The following CSMD1 variants were observed in gnomAD, a reference collection of about 807,000 sequenced individuals.
CSMD1 encodes CUB and Sushi multiple domains 1.
CSMD1 carries 213 observed loss-of-function variants against 417.5 expected under a neutral mutation model. That is an observed-to-expected ratio of 0.51 (90% CI 0.46 to 0.57). The LOEUF (loss-of-function observed/expected upper bound fraction) is 0.57. Ranked by LOEUF, CSMD1 falls within the 20% of genes least tolerant of loss-of-function variation. CSMD1 has a pLI of 0.00. For synonymous variants in CSMD1, 2,862 were observed against 1,736.8 expected (o/e 1.65, Z -16.11); for missense variants, 6,923 against 4,529.7 (o/e 1.53, Z -15.17).
chr8:4,015,003 G>A (rs576749542), intron 4 of CSMD1, among the ~76,000 whole-genome samples: 24 of 152,246 alleles, frequency 1.6e-4, no homozygotes, highest in East Asian at 3.9e-4. Context: ...TGCAAACCAC[G>A]TAGACCAGGT....
intron 3 of CSMD1, among the ~76,000 whole-genome samples, chr8:4,228,518 T>G (rs1236677796): frequency 6.6e-6 from 1 of 151,460 alleles, no homozygotes; most frequent in Non-Finnish European, 1.5e-5. Context: ...CAGTCAACCC[T>G]GTATCTTGGC....
At chr8:3,678,542 A>G (rs1322855577) in intron 7 of CSMD1, among the ~76,000 whole-genome samples, 1 of 152,214 alleles carries the variant, frequency 6.6e-6, no homozygotes. Flanking sequence ...CTATGTGAAA[A>G]GACCAAATCT....
intron 5 of CSMD1, among the ~76,000 whole-genome samples, chr8:3,922,309 A>G (rs1809332969): frequency 6.6e-6 from 1 of 151,928 alleles, no homozygotes; most frequent in South Asian, 2.1e-4. Flanking sequence ...ATATAGTTGG[A>G]TCTTATTTAT....
At chr8:4,405,641 C>G (rs934381302) in intron 3 of CSMD1, among the ~76,000 whole-genome samples, 1 of 152,204 alleles carries the variant, frequency 6.6e-6, no homozygotes, top group Admixed American at 6.5e-5. Context: ...TTTTGCTTGG[C>G]ATTGCATTAT....
chr8:3,698,685 T>C (rs572300424), intron 7 of CSMD1, among the ~76,000 whole-genome samples: 4 of 152,344 alleles, frequency 2.6e-5, no homozygotes, highest in African/African-American at 9.6e-5. Context: ...CTGGTATTCC[T>C]TAATAATATT....
chr8:2,950,061 A>C (rs192265492), intron 67 of CSMD1, among the ~76,000 whole-genome samples, 170 bp downstream of exon 67: 78 of 152,248 alleles, frequency 5.1e-4, no homozygotes, highest in African/African-American at 1.8e-3. Context: ...CTTCCCTTAT[A>C]AAATGAAGGA....
At chr8:3,623,421 G>C (rs891660362) in intron 7 of CSMD1, among the ~76,000 whole-genome samples, 2 of 152,136 alleles carry the variant, frequency 1.3e-5, no homozygotes, top group Admixed American at 1.3e-4. Context: ...CTGAAAAGAA[G>C]TATAAGCAAC....
At chr8:3,779,794 T>A (rs1391486836) in intron 5 of CSMD1, among the ~76,000 whole-genome samples, 1 of 152,194 alleles carries the variant, frequency 6.6e-6, no homozygotes, top group Non-Finnish European at 1.5e-5. Context: ...AAGATTAACA[T>A]CCAGAAATAT....
intron 3 of CSMD1, among the ~76,000 whole-genome samples, chr8:4,258,242 A>G (rs1585111639): frequency 7.4e-6 from 1 of 134,252 alleles, no homozygotes; most frequent in African/African-American, 2.9e-5. Flanking sequence ...AGCACACCCT[A>G]CCCCTTCCTA....
chr8:3,322,280 T>C (rs1258216493), intron 23 of CSMD1, among the ~76,000 whole-genome samples: 1 of 152,222 alleles, frequency 6.6e-6, no homozygotes, highest in African/African-American at 2.4e-5. Flanking sequence ...TATTTTTATA[T>C]TTTCACTTAG....
intron 3 of CSMD1, among the ~76,000 whole-genome samples, chr8:4,108,719 G>A (rs139432072): frequency 6.6e-6 from 1 of 151,646 alleles, no homozygotes; most frequent in African/African-American, 2.4e-5. Context: ...AATAAACGAA[G>A]TGTATGCATA....
At chr8:4,443,857 T>C (rs1000055818) in intron 2 of CSMD1, among the ~76,000 whole-genome samples, 1 of 152,170 alleles carries the variant, frequency 6.6e-6, no homozygotes, top group African/African-American at 2.4e-5. Context: ...GGTAACAAAG[T>C]TGACATGTGA....
At chr8:3,733,267 C>CAT in intron 6 of CSMD1, among the ~76,000 whole-genome samples, 1 of 87,092 alleles carries the variant, frequency 1.1e-5, no homozygotes, top group Non-Finnish European at 2.5e-5. Flanking sequence ...TACACATACA[C>CAT]ATATTTATAT....
intron 2 of CSMD1, among the ~76,000 whole-genome samples, chr8:4,630,042 A>T (rs971185054): frequency 1.7e-4 from 26 of 152,254 alleles, no homozygotes; most frequent in South Asian, 1.5e-3. Context: ...GCTGCTTTTT[A>T]AAAAAAGCCA....
rs13270278 is a variant in CSMD1, at chr8:4,261,163, G to C, written c.415+158790C>G. On this transcript the variant is annotated intron_variant, in intron 3 of 69. Transcript: ENST00000635120. ...TCTCCCTTCTACTGGCTTGAAAGTT[G>C]TCTATTCTGCTAAATAATCATGATT... Among the ~76,000 whole-genome samples, 170 of 152,226 alleles carry C rather than the reference G, an allele frequency of 1.1e-3. 1 individual carries two copies. Among genetic ancestry groups the C allele is most frequent in the South Asian group, 3.1e-3 (15 of 4,822 alleles).
At chr8:3,958,302 CA>C (rs1265930173) in intron 5 of CSMD1, among the ~76,000 whole-genome samples, 1 of 135,436 alleles carries the variant, frequency 7.4e-6, no homozygotes, top group African/African-American at 2.8e-5. Context: ...AAAAAAGTTT[CA>C]TTTTTTTAAA....
At chr8:4,772,358 G>T (rs541974157) in intron 1 of CSMD1, among the ~76,000 whole-genome samples, 1 of 152,120 alleles carries the variant, frequency 6.6e-6, no homozygotes, top group African/African-American at 2.4e-5. Flanking sequence ...TCCATTCAAA[G>T]AAAGTTCTCG....
intron 3 of CSMD1, among the ~76,000 whole-genome samples, chr8:4,204,942 G>T (rs1326692434): frequency 6.6e-6 from 1 of 152,026 alleles, no homozygotes. Context: ...TTACAAATGT[G>T]AGCCACTGAA....
chr8:4,641,626 C>A lies in CSMD1; in HGVS notation c.86-4068G>T, dbSNP rs542978924. On this transcript the variant is annotated intron_variant, in intron 1 of 69. Coordinates refer to ENST00000635120, the MANE Select transcript of CSMD1 (RefSeq NM_033225.6). Reference sequence around the variant, plus strand: ...GAATCAAGGTCTTCTGACACCAAAGCCTAGAGCCGTCCCACCAAACCCAGT... The same window carrying A: ...GAATCAAGGTCTTCTGACACCAAAGACTAGAGCCGTCCCACCAAACCCAGT... 3.6e-4 allele frequency among the ~76,000 whole-genome samples: 55 copies of A among 152,270 alleles called. No homozygotes were observed. In the South Asian group the frequency reaches 0.011, roughly 30 times the overall value.
Sources: gnomAD v4.1 joint callset for allele counts (sites outside exome capture counted in the v4.1 genomes callset) on GRCh38, gnomAD v4.1.1 for gene constraint, MANE v1.5 for transcripts, NCBI Gene and HGNC (gene_info 2026-07-23, HGNC 2026-07-21) for gene names.